The following KCNN2 variants were observed in gnomAD, a reference collection of about 807,000 sequenced individuals.
KCNN2 encodes the protein small conductance calcium-activated potassium channel protein 2.
In KCNN2, 24 loss-of-function variants were observed where a neutral mutation model predicts 55.5. The ratio of observed to expected loss-of-function variants is 0.43; its 90% CI spans 0.31 to 0.61. KCNN2 has a LOEUF of 0.61. Ranked by LOEUF, KCNN2 falls within the 20% of genes least tolerant of loss-of-function variation. The pLI is 0.08. For synonymous variants in KCNN2, 431 were observed against 336.1 expected (o/e 1.28, Z -3.09); for missense variants, 754 against 853.6 (o/e 0.88, Z 1.45).
intron 1 of KCNN2, among the ~76,000 whole-genome samples, chr5:114,175,022 A>T (rs1477711247): frequency 6.6e-6 from 1 of 152,182 alleles, no homozygotes; most frequent in Non-Finnish European, 1.5e-5. Context: ...CATCGCTTTT[A>T]ACCACTGATA....
intron 2 of KCNN2, among the ~76,000 whole-genome samples, chr5:114,282,248 A>G (rs1385235179): frequency 1.3e-5 from 2 of 151,896 alleles, no homozygotes; most frequent in African/African-American, 2.4e-5. Flanking sequence ...ATTCCTTTGT[A>G]TGGGGAATTC....
At chr5:114,195,113 T>TA (rs112245796) in intron 1 of KCNN2, among the ~76,000 whole-genome samples, 2,145 of 151,982 alleles carry the variant, frequency 0.014, 49 homozygotes, top group African/African-American at 0.048. Flanking sequence ...AATTTTGAAA[T>TA]AAAAAAGTGT....
intron 2 of KCNN2, among the ~76,000 whole-genome samples, chr5:114,287,983 C>T (rs1297952602): frequency 6.6e-6 from 1 of 152,156 alleles, no homozygotes; most frequent in East Asian, 1.9e-4. Context: ...ATCATACTAT[C>T]AATACATAAA....
intron 2 of KCNN2, among the ~76,000 whole-genome samples, chr5:114,249,663 T>G (rs1336659615): frequency 6.7e-6 from 1 of 149,280 alleles, no homozygotes; most frequent in Non-Finnish European, 1.5e-5. Flanking sequence ...AAATCCAAAC[T>G]ATTAAAATTA....
At chr5:114,155,594 A>G (rs997465345) in intron 1 of KCNN2, among the ~76,000 whole-genome samples, 7 of 152,152 alleles carry the variant, frequency 4.6e-5, no homozygotes, top group Non-Finnish European at 1.0e-4. Flanking sequence ...CTGGTGTGAG[A>G]CAGTATCTCA....
At chr5:114,359,745 T>C (rs1757368021), upstream of KCNN2, among the ~76,000 whole-genome samples, 1 of 152,234 alleles carries the variant, frequency 6.6e-6, no homozygotes, top group African/African-American at 2.4e-5. Flanking sequence ...GAATCAAACA[T>C]TTTCACTCAA....
chr5:114,417,476 C>T (rs1401945132), intron 3 of KCNN2, among the ~76,000 whole-genome samples: 5 of 152,254 alleles, frequency 3.3e-5, no homozygotes, highest in Admixed American at 3.3e-4. Context: ...TTTAAAGATT[C>T]CATTTTTGAA....
At chr5:114,095,690 C>T (rs552767533) in intron 1 of KCNN2, among the ~76,000 whole-genome samples, 4 of 152,302 alleles carry the variant, frequency 2.6e-5, no homozygotes, top group Non-Finnish European at 4.4e-5. Flanking sequence ...CTTAGTACAG[C>T]AGGCTTCCTC....
intron 1 of KCNN2, among the ~76,000 whole-genome samples, chr5:114,193,504 TTTAG>T (rs1367699539): frequency 3.3e-5 from 5 of 152,140 alleles, no homozygotes; most frequent in Non-Finnish European, 7.4e-5. Flanking sequence ...AAGGCAATCC[TTTAG>T]TTAGTGCTAT....
Position 114,110,353 on chromosome 5 carries a change from A to G in KCNN2, c.-271+53853A>G, listed in dbSNP as rs187854189. 1.3e-3 allele frequency among the ~76,000 whole-genome samples: 194 copies of G among 152,168 alleles called. 4 individuals carry two copies. In the South Asian group the frequency reaches 0.03, roughly 24 times the overall value. ...GAGTAGGCTTAGAAATAAGAAACAT[A>G]GATCTCAGGACTAAGGTACCAGGTG... On this transcript the variant is annotated intron_variant, in intron 1 of 10. Transcript: ENST00000512097.
chr5:114,193,365 C>T (rs1339193614), intron 1 of KCNN2, among the ~76,000 whole-genome samples: 1 of 152,114 alleles, frequency 6.6e-6, no homozygotes, highest in Non-Finnish European at 1.5e-5. Context: ...ATTCTGAGTA[C>T]TGAGGCTGAA....
intron 1 of KCNN2, among the ~76,000 whole-genome samples, chr5:114,109,602 C>T (rs925490840): frequency 6.6e-6 from 1 of 151,940 alleles, no homozygotes; most frequent in Non-Finnish European, 1.5e-5. Flanking sequence ...CCGAATATGA[C>T]CAAATAAATG....
chr5:114,222,783 C>A (rs1049722652), intron 2 of KCNN2, among the ~76,000 whole-genome samples: 2 of 152,116 alleles, frequency 1.3e-5, no homozygotes, highest in Non-Finnish European at 2.9e-5. Flanking sequence ...TAGGCCTTCA[C>A]TTGGTACTTC....
chr5:114,139,470 A>C lies in KCNN2; in HGVS notation c.-270-82010A>C, dbSNP rs1440139926. Among the ~76,000 whole-genome samples the C allele has an allele frequency of 2.0e-3, 203 of 99,110 alleles. 1 individual carries two copies. The highest frequency in any genetic ancestry group is 5.5e-3 in the South Asian group (17 of 3,090). 65.0% of individuals were successfully genotyped at this position (99,110 alleles called of 152,430 possible). A position where few individuals can be genotyped will look rare whatever the true frequency, so the allele number is the denominator to read the frequency against. On this transcript the variant is annotated intron_variant, in intron 1 of 10. Transcript: ENST00000512097. The stretch of plus-strand genomic sequence containing the variant: ...ACACTCACACAACCACCCCCCCCAC[A>C]CACACACACCAGAAAGGAAAATATA...
chr5:114,163,078 C>G (rs13179116), intron 1 of KCNN2, among the ~76,000 whole-genome samples: 1 of 152,058 alleles, frequency 6.6e-6, no homozygotes, highest in African/African-American at 2.4e-5. Flanking sequence ...AGAAATCACC[C>G]GTCTTCTGCG....
intron 1 of KCNN2, among the ~76,000 whole-genome samples, chr5:114,109,084 A>C (rs1786944419): frequency 6.6e-6 from 1 of 152,008 alleles, no homozygotes; most frequent in South Asian, 2.1e-4. Flanking sequence ...AGAAGTCTCA[A>C]GGTGTCACTC....
chr5:114,109,011 A>G (rs1490046193), intron 1 of KCNN2, among the ~76,000 whole-genome samples: 1 of 151,756 alleles, frequency 6.6e-6, no homozygotes, highest in Non-Finnish European at 1.5e-5. Context: ...CTGTTGCTTT[A>G]CATTCTCACC....
At chr5:114,101,982 A>G (rs77646695) in intron 1 of KCNN2, among the ~76,000 whole-genome samples, 29,506 of 152,094 alleles carry the variant, frequency 0.19, 3,080 homozygotes, top group African/African-American at 0.27. Context: ...TGGTATTTCG[A>G]GTTCTAGACC....
intron 5 of KCNN2, among the ~76,000 whole-genome samples, chr5:114,484,135 A>G (rs1419783614): frequency 6.6e-6 from 1 of 152,146 alleles, no homozygotes; most frequent in Non-Finnish European, 1.5e-5. Context: ...AGTTAACACC[A>G]TAGACATTTA....
Sources: allele counts gnomAD v4.1 joint callset (sites outside exome capture counted in the v4.1 genomes callset), GRCh38; gene constraint gnomAD v4.1.1; transcripts MANE v1.5; gene names NCBI Gene and HGNC (gene_info 2026-07-23, HGNC 2026-07-21).